Variants in SLC35F1 observed in about 807,000 individuals in gnomAD.
SLC35F1 encodes the protein chromosome 6 open reading frame 169.
SLC35F1 carries 14 observed loss-of-function variants against 48.7 expected under a neutral mutation model. That is an observed-to-expected ratio of 0.29 (90% CI 0.19 to 0.45). The LOEUF (loss-of-function observed/expected upper bound fraction) is 0.45. SLC35F1 is among the 20% of genes least tolerant of loss of function. The pLI is 1.00. For missense variants in SLC35F1, 404 were observed against 500.0 expected (o/e 0.81, Z 1.83); for synonymous variants, 190 against 202.2 (o/e 0.94, Z 0.51).
intron 1 of SLC35F1, among the ~76,000 whole-genome samples, chr6:117,927,488 G>A (rs909241921): frequency 2.6e-5 from 4 of 152,178 alleles, no homozygotes; most frequent in African/African-American, 9.6e-5. Context: ...GAGGGAAGGC[G>A]TGTTGACCTC....
chr6:117,937,571 A>G (rs1272284905), intron 1 of SLC35F1, among the ~76,000 whole-genome samples: 1 of 152,212 alleles, frequency 6.6e-6, no homozygotes, highest in Non-Finnish European at 1.5e-5. Context: ...AACAGATAAT[A>G]AATCAAGAAA....
intron 1 of SLC35F1, among the ~76,000 whole-genome samples, chr6:117,972,671 C>A (rs776928992): frequency 5.3e-5 from 8 of 152,134 alleles, no homozygotes; most frequent in Admixed American, 2.0e-4. Flanking sequence ...ACCATCAGAT[C>A]TCATAAGACT....
intron 2 of SLC35F1, among the ~76,000 whole-genome samples, chr6:118,159,494 A>G (rs1000160187): frequency 6.6e-6 from 1 of 152,224 alleles, no homozygotes; most frequent in Non-Finnish European, 1.5e-5. Context: ...TGACTAAGAA[A>G]GTACAGTGAA....
At chr6:117,979,856 G>A (rs779913380) in intron 1 of SLC35F1, among the ~76,000 whole-genome samples, 2 of 152,122 alleles carry the variant, frequency 1.3e-5, no homozygotes, top group Non-Finnish European at 2.9e-5. Flanking sequence ...GGAGCCTTTT[G>A]TTTCCCAGCA....
chr6:117,946,883 G>C (rs2114824067), intron 1 of SLC35F1, among the ~76,000 whole-genome samples: 1 of 152,258 alleles, frequency 6.6e-6, no homozygotes, highest in South Asian at 2.1e-4. Context: ...AATTTTACTG[G>C]TTCATGCATT....
intron 1 of SLC35F1, among the ~76,000 whole-genome samples, chr6:118,099,611 A>G (rs2114361691): frequency 6.6e-6 from 1 of 152,156 alleles, no homozygotes; most frequent in South Asian, 2.1e-4. Context: ...TCTCTCATCT[A>G]AATAGAGTCA....
intron 7 of SLC35F1, among the ~76,000 whole-genome samples, chr6:118,286,946 A>G (rs1260048912): frequency 6.6e-6 from 1 of 152,150 alleles, no homozygotes. Context: ...TGTACCCTCT[A>G]GCTATCATCT....
intron 1 of SLC35F1, among the ~76,000 whole-genome samples, chr6:117,985,713 T>G (rs1441330487): frequency 1.3e-5 from 2 of 152,244 alleles, no homozygotes; most frequent in African/African-American, 4.8e-5. Context: ...TCTTTTTGAC[T>G]AGCAAGTCTT....
intron 1 of SLC35F1, among the ~76,000 whole-genome samples, chr6:117,925,068 G>A (rs182506215): frequency 6.6e-6 from 1 of 152,242 alleles, no homozygotes; most frequent in East Asian, 1.9e-4. Flanking sequence ...GTGTTACATG[G>A]AAATAAGTGT....
At chr6:117,910,007 A>C (rs1775742798) in intron 1 of SLC35F1, among the ~76,000 whole-genome samples, 1 of 152,224 alleles carries the variant, frequency 6.6e-6, no homozygotes, top group Non-Finnish European at 1.5e-5. Context: ...TTTTCAATAT[A>C]ATATTTTGTA....
chr6:118,027,074 T>G (rs1771966931), intron 1 of SLC35F1, among the ~76,000 whole-genome samples: 1 of 152,316 alleles, frequency 6.6e-6, no homozygotes, highest in Non-Finnish European at 1.5e-5. Flanking sequence ...GCCATTTGTG[T>G]CTGGGTTCTT....
At chr6:118,238,694 A>G (rs1275925274) in intron 3 of SLC35F1, among the ~76,000 whole-genome samples, 1 of 152,126 alleles carries the variant, frequency 6.6e-6, no homozygotes, top group Non-Finnish European at 1.5e-5. Context: ...ATGTCCAATG[A>G]GAGACAGAAA....
intron 2 of SLC35F1, among the ~76,000 whole-genome samples, chr6:118,177,763 T>G (rs1774511646): frequency 6.6e-6 from 1 of 150,522 alleles, no homozygotes; most frequent in South Asian, 2.1e-4. Context: ...ATCGTTTTTG[T>G]TTTTTTTTAA....
intron 2 of SLC35F1, among the ~76,000 whole-genome samples, chr6:118,189,727 T>C (rs1774707156): frequency 6.6e-6 from 1 of 152,180 alleles, no homozygotes; most frequent in African/African-American, 2.4e-5. Context: ...GTTTCACAAA[T>C]CGGGCAGCCC....
chr6:118,062,124 A>G (rs1772550387), intron 1 of SLC35F1, among the ~76,000 whole-genome samples: 1 of 152,122 alleles, frequency 6.6e-6, no homozygotes, highest in Non-Finnish European at 1.5e-5. Flanking sequence ...GTGTTTTTTG[A>G]TAACTGAGCT....
chr6:118,255,190 C>A (rs369854383), intron 3 of SLC35F1, among the ~76,000 whole-genome samples: 1 of 152,126 alleles, frequency 6.6e-6, no homozygotes. Context: ...GAATAGCAGG[C>A]CTGTGATCAC....
intron 1 of SLC35F1, among the ~76,000 whole-genome samples, chr6:118,042,909 G>T (rs191467233): frequency 6.6e-6 from 1 of 152,230 alleles, no homozygotes; most frequent in East Asian, 1.9e-4. Flanking sequence ...GAAAACAGAG[G>T]TGGAGGAACA....
At chr6:118,019,101 T>G (rs750068681) in intron 1 of SLC35F1, among the ~76,000 whole-genome samples, 11 of 152,130 alleles carry the variant, frequency 7.2e-5, no homozygotes, top group Non-Finnish European at 1.6e-4. Flanking sequence ...ATGTATAAAT[T>G]TATAATATGA....
Position 118,035,759 on chromosome 6 carries a change from G to A in SLC35F1, c.174-118686G>A, listed in dbSNP as rs570091071. 2.5e-4 allele frequency among the ~76,000 whole-genome samples: 33 copies of A among 129,908 alleles called. No individual in the cohort carries two copies. The South Asian group carries it at 4.5e-3, about 18-fold the overall frequency. The allele number at this position is 129,908 out of a possible 152,430, so 85.2% of individuals were successfully genotyped here. A position where few individuals can be genotyped will look rare whatever the true frequency, so the allele number is the denominator to read the frequency against. ...GGCTGGAGTGCAGTGATGTGATCTC[G>A]GCTCACTGCAAGCTCCACCTCCCAG... On this transcript the variant is annotated intron_variant, in intron 1 of 7. Coordinates refer to ENST00000360388, the MANE Select transcript of SLC35F1 (RefSeq NM_001029858.4).
Sources: gnomAD v4.1 joint callset for allele counts (sites outside exome capture counted in the v4.1 genomes callset) on GRCh38, gnomAD v4.1.1 for gene constraint, MANE v1.5 for transcripts, NCBI Gene and HGNC (gene_info 2026-07-23, HGNC 2026-07-21) for gene names.